The following ANKFN1 variants were observed in gnomAD, a reference collection of about 807,000 sequenced individuals.
ANKFN1 encodes ankyrin repeat and fibronectin type-III domain-containing protein 1.
ANKFN1 carries 74 observed loss-of-function variants against 108.7 expected under a neutral mutation model. That is an observed-to-expected ratio of 0.68 (90% CI 0.56 to 0.83). ANKFN1 has a LOEUF of 0.83. Ranked by LOEUF, ANKFN1 falls within the 40% of genes least tolerant of loss-of-function variation. The pLI is 0.00. For missense variants in ANKFN1, 1,505 were observed against 1,382.3 expected, an observed-to-expected ratio of 1.09 and a Z score of -1.41; for synonymous variants, 547 against 516.2, an observed-to-expected ratio of 1.06 and a Z score of -0.81.
At chr17:56,278,588 A>G (rs1204779657) in intron 3 of ANKFN1, among the ~76,000 whole-genome samples, 2 of 152,174 alleles carry the variant, frequency 1.3e-5, no homozygotes, top group Non-Finnish European at 2.9e-5. Flanking sequence ...AAAAATTCCT[A>G]TTGCTTTAGG....
chr17:56,123,000 A>T (rs1349594549), intron 4 of ANKFN1, among the ~76,000 whole-genome samples: 2 of 152,242 alleles, frequency 1.3e-5, no homozygotes, highest in Non-Finnish European at 2.9e-5. Context: ...GCCTAATATT[A>T]ATAGCAAACA....
chr17:56,154,413 G>A (rs372756162), intron 1 of ANKFN1, among the ~76,000 whole-genome samples: 1 of 152,120 alleles, frequency 6.6e-6, no homozygotes, highest in African/African-American at 2.4e-5. Flanking sequence ...GAAAAAACCA[G>A]AGATAAGTGC....
chr17:56,364,263 G>T lies in ANKFN1; in HGVS notation c.602-8383G>T, dbSNP rs75159546. Among the ~76,000 whole-genome samples the T allele has an allele frequency of 7.8e-4, 118 of 152,112 alleles. 1 individual carries two copies. In the South Asian group the frequency reaches 0.014, roughly 17 times the overall value. On this transcript the variant is annotated intron_variant, in intron 6 of 20. Coordinates refer to ENST00000682825, the MANE Select transcript of ANKFN1 (RefSeq NM_001370326.1). ...AAAAAGAAATGTGTCTAGTGCAAAT[G>T]AATAAGTGTTCTAAGTGTAAAATTA...
intron 15 of ANKFN1, chr17:56,472,461 A>G (rs1457829671): frequency 4.6e-5 from 7 of 152,182 alleles, no homozygotes; most frequent in Non-Finnish European, 8.8e-5. Flanking sequence ...GAGAAGGTGG[A>G]TATACCCTTC....
chr17:56,082,731 G>A (rs1436340911), intron 4 of ANKFN1, among the ~76,000 whole-genome samples: 2 of 152,202 alleles, frequency 1.3e-5, no homozygotes, highest in Non-Finnish European at 2.9e-5. Flanking sequence ...AGGTGGATGG[G>A]CTTGATCACA....
In ANKFN1 at chr17:56,350,910, C is replaced by T. The variant is rs200633862; in HGVS notation, c.333C>T (p.Phe111=). ...AACTGAAAGGGAGCCACTCTTCCTT[C>T]GATGAGGCCTATTTTAGGACAAGAA... The part of the protein sequence containing the change: ...SEKLKGSHSS[F]DEAYFRTRTD... Residue 111 remains phenylalanine, a synonymous_variant, in exon 5 of 21, where the codon TTC becomes TTT. Coordinates refer to ENST00000682825, the MANE Select transcript of ANKFN1 (RefSeq NM_001370326.1). 6.4e-5 allele frequency: 104 copies of T among 1,613,790 alleles called. No individual in the cohort carries two copies. The highest frequency in any genetic ancestry group is 1.7e-4 in the Middle Eastern group (1 of 6,060).
intron 4 of ANKFN1, among the ~76,000 whole-genome samples, chr17:56,079,975 A>G (rs535166175): frequency 6.6e-6 from 1 of 152,342 alleles, no homozygotes; most frequent in South Asian, 2.1e-4. Flanking sequence ...GAGGAAAGGA[A>G]CAGTTGGGCA....
intron 3 of ANKFN1, among the ~76,000 whole-genome samples, chr17:56,310,417 A>G (rs1039995976): frequency 6.6e-6 from 1 of 152,158 alleles, no homozygotes; most frequent in African/African-American, 2.4e-5. Flanking sequence ...GGAGATCGAG[A>G]CCATCCTGGC....
At chr17:56,164,867 CA>C (rs1323330326) in intron 1 of ANKFN1, among the ~76,000 whole-genome samples, 2 of 152,144 alleles carry the variant, frequency 1.3e-5, no homozygotes, top group African/African-American at 2.4e-5. Context: ...TTCAGACTGC[CA>C]AAATTATAAC....
chr17:56,464,518 G>A (rs1342153398), intron 14 of ANKFN1, among the ~76,000 whole-genome samples: 11 of 152,118 alleles, frequency 7.2e-5, no homozygotes, highest in African/African-American at 2.7e-4. Context: ...ATGCTAAGAT[G>A]GAAGTTTGTA....
At chr17:56,475,557 T>C (rs1009859522) in intron 15 of ANKFN1, among the ~76,000 whole-genome samples, 24 of 152,328 alleles carry the variant, frequency 1.6e-4, no homozygotes, top group African/African-American at 5.5e-4. Context: ...TCACCTTCCC[T>C]GAATTTAATG....
intron 8 of ANKFN1, among the ~76,000 whole-genome samples, chr17:56,423,247 C>T (rs1485186214): frequency 6.6e-6 from 1 of 152,178 alleles, no homozygotes. Flanking sequence ...TGGAGCCACG[C>T]ACCACACAGA....
chr17:56,480,656 C>T lies in ANKFN1; in HGVS notation c.1941-12C>T, dbSNP rs370786383. The T allele has an allele frequency of 6.2e-7, 1 of 1,612,408 alleles. No homozygotes were observed. On this transcript the variant is annotated splice_polypyrimidine_tract_variant and intron_variant, in intron 16 of 20. Coordinates refer to ENST00000682825, the MANE Select transcript of ANKFN1 (RefSeq NM_001370326.1). ...TGTTATATTTCTAATTTTAACTTGA[C>T]TCAACATACAGAGAGGAATGGGAAT...
At chr17:56,151,200 C>T (rs117205173), upstream of ANKFN1, among the ~76,000 whole-genome samples, 687 of 152,302 alleles carry the variant, frequency 4.5e-3, 6 homozygotes, top group East Asian at 0.02. Flanking sequence ...ACTTTGGCAC[C>T]TAACACCCTC....
At position 56,117,867 on chromosome 17, in the gene ANKFN1, C is replaced by G. The variant is rs79754164; in HGVS notation, c.288+71542C>G. ...ATCACCCCAAAAAGAAACCTAGTAC[C>G]TATTAGCAGTCCCTATCCATCTCTG... On this transcript the variant is annotated intron_variant, in intron 4 of 12. Coordinates refer to the ANKFN1 transcript ENST00000635860. Among the ~76,000 whole-genome samples, 1,411 of 152,222 alleles carry G rather than the reference C, an allele frequency of 9.3e-3. 20 individuals are homozygous for G. Among genetic ancestry groups the G allele is most frequent in the African/African-American group, 0.032 (1,311 of 41,538 alleles).
chr17:56,471,385 A>T (rs2050311957), intron 15 of ANKFN1: 1 of 151,702 alleles, frequency 6.6e-6, no homozygotes, highest in Non-Finnish European at 1.5e-5. Context: ...ACCTCTAGGT[A>T]TTCAGTGTCT....
At chr17:56,333,908 A>G (rs1047918831) in intron 4 of ANKFN1, among the ~76,000 whole-genome samples, 1 of 152,146 alleles carries the variant, frequency 6.6e-6, no homozygotes, top group Non-Finnish European at 1.5e-5. Context: ...GCCAAGTTGT[A>G]GAGACCAGCC....
At chr17:56,365,352 T>C (rs1411504845) in intron 6 of ANKFN1, among the ~76,000 whole-genome samples, 4 of 152,170 alleles carry the variant, frequency 2.6e-5, no homozygotes. Flanking sequence ...AGTATTTTGA[T>C]TTATTTTGTG....
rs543432014 is a variant in ANKFN1, at chr17:56,413,523, C to CA, written c.911-26803dup. Among the ~76,000 whole-genome samples the CA allele has an allele frequency of 3.7e-3, 564 of 152,262 alleles. 2 individuals are homozygous for CA. Among genetic ancestry groups the CA allele is most frequent in the Non-Finnish European group, 6.6e-3 (447 of 68,008 alleles). On this transcript the variant is annotated intron_variant, in intron 8 of 20. Transcript: ENST00000682825. ...TGCCAGTTTTCAAGGGGAATGCTTC[C>CA]AGCCTTTGCCCATTCAGTATGATAT...
Sources: gnomAD v4.1 joint callset for allele counts (sites outside exome capture counted in the v4.1 genomes callset) on GRCh38, gnomAD v4.1.1 for gene constraint, MANE v1.5 for transcripts, NCBI Gene and HGNC (gene_info 2026-07-23, HGNC 2026-07-21) for gene names.